Variants in PGAP1 observed in about 807,000 individuals in gnomAD.
The protein encoded by PGAP1 is post-GPI attachment to proteins inositol deacylase 1.
A neutral mutation model predicts 127.0 loss-of-function variants in PGAP1; 76 were observed. The observed-to-expected ratio is 0.60, with a 90% CI of 0.50 to 0.72. The LOEUF is 0.72. PGAP1 is among the 30% of genes least tolerant of loss of function. The pLI, the probability that PGAP1 is intolerant of heterozygous loss-of-function variation, is 0.00. For synonymous variants in PGAP1, 362 were observed against 366.5 expected (o/e 0.99, Z 0.14); for missense variants, 982 against 1,071.3 (o/e 0.92, Z 1.16).
chr2:196,853,738 A>G (rs1354207361), intron 20 of PGAP1, among the ~76,000 whole-genome samples: 1 of 152,142 alleles, frequency 6.6e-6, no homozygotes, highest in African/African-American at 2.4e-5. Flanking sequence ...AAAGCTTAGG[A>G]TAACTGAGCT....
At chr2:196,893,283 T>A in intron 7 of PGAP1, 38 bp from the exon 8 acceptor site, 2 of 1,105,746 alleles carry the variant, frequency 1.8e-6, no homozygotes, top group Non-Finnish European at 2.7e-6. Flanking sequence ...TCATTTTGTA[T>A]CTATTGTAAT....
At chr2:196,879,340 C>A (rs775081832) in intron 13 of PGAP1, among the ~76,000 whole-genome samples, 2 of 152,176 alleles carry the variant, frequency 1.3e-5, no homozygotes, top group Non-Finnish European at 2.9e-5. Context: ...TTTTTCCACT[C>A]TTCCCTCTGC....
At chr2:196,885,376 C>T (rs762103937) in intron 12 of PGAP1, 48 bp downstream of exon 12, 1 of 1,286,214 alleles carries the variant, frequency 7.8e-7, no homozygotes, top group Non-Finnish European at 1.1e-6. Flanking sequence ...TGTATAGACT[C>T]AAGTATTTTT....
chr2:196,889,031 A>G (rs554938537), intron 10 of PGAP1, among the ~76,000 whole-genome samples: 38 of 152,306 alleles, frequency 2.5e-4, no homozygotes, highest in Non-Finnish European at 4.7e-4. Flanking sequence ...GAAAATTTCT[A>G]TAATAAAAAT....
chr2:196,875,453 C>T (rs1047398448), intron 14 of PGAP1, among the ~76,000 whole-genome samples: 1 of 152,016 alleles, frequency 6.6e-6, no homozygotes, highest in African/African-American at 2.4e-5. Context: ...ATTTATAACT[C>T]TATATTAAAA....
rs531689151 is a variant in PGAP1 at position 196,920,729 on chromosome 2, T to A, written c.148-579A>T. On this transcript the variant is annotated intron_variant, in intron 1 of 26. Coordinates refer to ENST00000354764, the MANE Select transcript of PGAP1 (RefSeq NM_024989.4). ...TCTTAACCTTATAGCCATGTCTTGG[T>A]CAAGACATGTACACTCTTCTTACCA... 2.0e-5 allele frequency among the ~76,000 whole-genome samples: 3 copies of A among 152,268 alleles called. No individual in the cohort carries two copies. The East Asian group carries it at 5.8e-4, about 29-fold the overall frequency.
At position 196,880,133 on chromosome 2, in the gene PGAP1, T is replaced by C. The variant is rs1285484903; in HGVS notation, c.1293A>G (p.Gln431=). The C allele has an allele frequency of 1.3e-6, 2 of 1,577,006 alleles. No homozygotes were observed. Among genetic ancestry groups the C allele is most frequent in the Admixed American group, 1.9e-5 (1 of 52,920 alleles). Residue 431 remains glutamine, a synonymous_variant, in exon 13 of 27, where the codon CAA becomes CAG. Transcript: ENST00000354764. ...PTIKYLTLRL[Q]DYPSLSHLVV... ...CAAGATGAGACAAAGATGGATAGTC[T>C]TGAAGTCTTAATGTCAGATACTAAA...
rs956011198 is a variant in PGAP1 at position 196,873,090 on chromosome 2, T to C, written c.1553-64A>G. The C allele has an allele frequency of 3.5e-5, 20 of 566,120 alleles. No individual in the cohort carries two copies. In the East Asian group the frequency reaches 6.1e-4, roughly 17 times the overall value. The allele number at this position is 566,120 out of a possible 1,614,324, so 35.1% of individuals were successfully genotyped here. Reference sequence around the variant, plus strand: ...TTACCCTAAATGTTACATAAACTACTATAATATCTAACTAATTATACAATT... The same window carrying C: ...TTACCCTAAATGTTACATAAACTACCATAATATCTAACTAATTATACAATT... On this transcript the variant is annotated intron_variant, in intron 16 of 26. Coordinates refer to ENST00000354764, the MANE Select transcript of PGAP1 (RefSeq NM_024989.4).
Position 196,875,801 on chromosome 2 carries a change from G to T in PGAP1, c.1371C>A (p.Phe457Leu). 1 of 1,512,914 alleles carries T rather than the reference G, an allele frequency of 6.6e-7. No homozygotes were observed. Among genetic ancestry groups the T allele is most frequent in the Non-Finnish European group, 9.1e-7 (1 of 1,093,608 alleles). 93.7% of individuals were successfully genotyped at this position (1,512,914 alleles called of 1,614,324 possible). ...GTATGTATCTTTTCTCTTTTTTAAAGAATTCACAATCTACAACAAACTGAA... is the reference window on the plus strand; with the variant it reads ...GTATGTATCTTTTCTCTTTTTTAAATAATTCACAATCTACAACAAACTGAA... ...RGSKFVVDCE[F>L]FKKEKRYIQL... Residue 457 changes from phenylalanine to leucine, a missense_variant, in exon 14 of 27, where the codon TTC becomes TTA. Coordinates refer to ENST00000354764, the MANE Select transcript of PGAP1 (RefSeq NM_024989.4).
intron 7 of PGAP1, among the ~76,000 whole-genome samples, chr2:196,894,351 T>C (rs1413259056): frequency 6.6e-6 from 1 of 152,194 alleles, no homozygotes; most frequent in Non-Finnish European, 1.5e-5. Context: ...TAGAATACAG[T>C]TCTCTAGATA....
chr2:196,871,066 T>G, intron 18 of PGAP1, 87 bp from the exon 19 acceptor site: 28 of 864,650 alleles, frequency 3.2e-5, no homozygotes, highest in Non-Finnish European at 4.8e-5. Flanking sequence ...TGCATATCTC[T>G]AAGCATAATA....
In PGAP1 at chr2:196,890,374, A is replaced by G. The variant is rs567385867; in HGVS notation, c.1173+454T>C. Reference sequence around the variant, plus strand: ...CATTATTCTGATACAGTAAATCTAGATAACATTGTAAGTTACTCTACTATC... The same window carrying G: ...CATTATTCTGATACAGTAAATCTAGGTAACATTGTAAGTTACTCTACTATC... On this transcript the variant is annotated intron_variant, in intron 10 of 26. Coordinates refer to ENST00000354764, the MANE Select transcript of PGAP1 (RefSeq NM_024989.4). Among the ~76,000 whole-genome samples the G allele has an allele frequency of 2.0e-5, 3 of 152,334 alleles. No individual in the cohort carries two copies. In the South Asian group the frequency reaches 6.2e-4, roughly 32 times the overall value.
chr2:196,877,243 A>G (rs1701596115), intron 13 of PGAP1, among the ~76,000 whole-genome samples: 1 of 152,138 alleles, frequency 6.6e-6, no homozygotes, highest in Admixed American at 6.5e-5. Context: ...AAAAATGCAG[A>G]TAAATTCCAT....
At chr2:196,905,586 G>A (rs578055020) in intron 4 of PGAP1, among the ~76,000 whole-genome samples, 14 of 151,912 alleles carry the variant, frequency 9.2e-5, no homozygotes, top group Admixed American at 7.9e-4. Flanking sequence ...AAGATAATGC[G>A]GGAGGGAGGA....
intron 10 of PGAP1, 52 bp from the exon 11 acceptor site, chr2:196,885,932 T>C: frequency 8.0e-7 from 1 of 1,252,486 alleles, no homozygotes; most frequent in Non-Finnish European, 1.0e-6. Flanking sequence ...AGAAAATAAT[T>C]ATACAAAACA....
chr2:196,883,902 A>G (rs16859120), intron 12 of PGAP1, among the ~76,000 whole-genome samples: 15,523 of 152,174 alleles, frequency 0.1, 956 homozygotes, highest in African/African-American at 0.17. Flanking sequence ...GCAGAATGCT[A>G]TAATACTTGT....
chr2:196,842,520 A>AG (rs1459629718), intron 26 of PGAP1, among the ~76,000 whole-genome samples: 1 of 151,950 alleles, frequency 6.6e-6, no homozygotes, highest in Non-Finnish European at 1.5e-5. Context: ...AACTTCATAA[A>AG]GAAAAAAAAA....
In PGAP1 at chr2:196,920,152, T is replaced by C. The variant is rs1423494985; in HGVS notation, c.148-2A>G. 7 of 1,594,180 alleles carry C rather than the reference T, an allele frequency of 4.4e-6. No individual in the cohort carries two copies. The highest frequency in any genetic ancestry group is 6.0e-6 in the Non-Finnish European group (7 of 1,172,406). The stretch of plus-strand genomic sequence containing the variant: ...CAGTTTCTTTGGAAGTTCTATTTTC[T>C]ACATTTAAAAAAAAGTAGTTTCACT... On this transcript the variant is annotated splice_acceptor_variant, in intron 1 of 26. Coordinates refer to ENST00000354764, the MANE Select transcript of PGAP1 (RefSeq NM_024989.4). LOFTEE classifies it high-confidence loss of function.
intron 20 of PGAP1, among the ~76,000 whole-genome samples, chr2:196,852,265 T>C (rs1006344589): frequency 2.0e-5 from 3 of 152,082 alleles, no homozygotes; most frequent in African/African-American, 7.2e-5. Flanking sequence ...ATTGGCATAG[T>C]TGGCCAAAAA....
Sources: gnomAD v4.1 joint callset for allele counts (sites outside exome capture counted in the v4.1 genomes callset) on GRCh38, gnomAD v4.1.1 for gene constraint, MANE v1.5 for transcripts, NCBI Gene and HGNC (gene_info 2026-07-23, HGNC 2026-07-21) for gene names.